Variants in LDLRAD4 observed in about 807,000 individuals in gnomAD.
The protein encoded by LDLRAD4 is low density lipoprotein receptor class A domain containing 4.
Under a neutral mutation model 17.0 loss-of-function variants are expected in LDLRAD4, and 5 were observed. That is an observed-to-expected ratio of 0.29 (90% CI 0.15 to 0.62). LDLRAD4 has a LOEUF of 0.62. Ranked by LOEUF, LDLRAD4 falls within the 20% of genes least tolerant of loss-of-function variation. The pLI, the probability that LDLRAD4 is intolerant of heterozygous loss-of-function variation, is 0.84. For synonymous variants in LDLRAD4, 168 were observed against 171.8 expected, an observed-to-expected ratio of 0.98 and a Z score of 0.17; for missense variants, 340 against 424.7, an observed-to-expected ratio of 0.80 and a Z score of 1.75.
At chr18:13,380,023 C>T (rs376734318) in intron 1 of LDLRAD4, among the ~76,000 whole-genome samples, 86 of 152,240 alleles carry the variant, frequency 5.6e-4, no homozygotes, top group African/African-American at 1.8e-3. Flanking sequence ...CGAGCCCTCA[C>T]GCCAGGCCAC....
At chr18:13,285,664 C>T (rs1443596121) in intron 1 of LDLRAD4, among the ~76,000 whole-genome samples, 1 of 152,118 alleles carries the variant, frequency 6.6e-6, no homozygotes, top group African/African-American at 2.4e-5. Flanking sequence ...AACAGTTTCC[C>T]TCTTTTTGTC....
chr18:13,431,887 A>G (rs2090358675), intron 2 of LDLRAD4, among the ~76,000 whole-genome samples: 1 of 152,212 alleles, frequency 6.6e-6, no homozygotes, highest in Non-Finnish European at 1.5e-5. Context: ...CCTTCAAAGT[A>G]AATTCCACTT....
chr18:13,591,063 T>G (rs927856998), intron 3 of LDLRAD4, among the ~76,000 whole-genome samples: 2 of 152,208 alleles, frequency 1.3e-5, no homozygotes, highest in Non-Finnish European at 2.9e-5. Flanking sequence ...CAGGGAGTTT[T>G]GAGGCTGTTT....
chr18:13,529,986 A>G (rs1238471213), intron 3 of LDLRAD4, among the ~76,000 whole-genome samples: 3 of 152,202 alleles, frequency 2.0e-5, no homozygotes, highest in African/African-American at 4.8e-5. Flanking sequence ...AATATCTCAG[A>G]TAATTTGAGG....
intron 1 of LDLRAD4, chr18:13,234,950 T>A (rs2042262241): frequency 6.6e-6 from 1 of 152,136 alleles, no homozygotes; most frequent in Non-Finnish European, 1.5e-5. Context: ...TATCAAGCTG[T>A]AAAAAAATCA....
At chr18:13,254,226 C>T (rs1197621710) in intron 1 of LDLRAD4, among the ~76,000 whole-genome samples, 3 of 152,158 alleles carry the variant, frequency 2.0e-5, no homozygotes, top group African/African-American at 7.2e-5. Flanking sequence ...AGCCCGAGGC[C>T]CAGGGGAGGC....
intron 3 of LDLRAD4, among the ~76,000 whole-genome samples, chr18:13,567,695 G>A (rs188024162): frequency 3.0e-4 from 45 of 151,822 alleles, no homozygotes; most frequent in African/African-American, 9.9e-4. Context: ...TAATTGTGAC[G>A]TTGGTAAAAT....
intron 4 of LDLRAD4, among the ~76,000 whole-genome samples, chr18:13,637,061 G>C (rs1177130710): frequency 6.6e-6 from 1 of 152,082 alleles, no homozygotes; most frequent in Non-Finnish European, 1.5e-5. Context: ...GCCTTGCAAA[G>C]TTCTGGGATT....
At chr18:13,405,466 A>G (rs1186350338) in intron 2 of LDLRAD4, among the ~76,000 whole-genome samples, 1 of 152,056 alleles carries the variant, frequency 6.6e-6, no homozygotes, top group Non-Finnish European at 1.5e-5. Flanking sequence ...TCTGTCATCC[A>G]TTTTGGAGAG....
chr18:13,526,732 T>C (rs1208731383), intron 3 of LDLRAD4: 2 of 152,218 alleles, frequency 1.3e-5, no homozygotes, highest in East Asian at 3.8e-4. Flanking sequence ...TCCTCGAAGG[T>C]GTTTTTCCAT....
chr18:13,221,914 A>G (rs1487492661), intron 1 of LDLRAD4, among the ~76,000 whole-genome samples: 4 of 152,200 alleles, frequency 2.6e-5, no homozygotes, highest in African/African-American at 9.7e-5. Flanking sequence ...ATAATGCTGC[A>G]CTGTGCCAAA....
At position 13,610,265 on chromosome 18, in the gene LDLRAD4, A is replaced by ATTTTT. The variant is rs1157718015; in HGVS notation, c.182-10816_182-10812dup. 9.8e-4 allele frequency among the ~76,000 whole-genome samples: 61 copies of ATTTTT among 62,512 alleles called. 18 individuals carry two copies. Among genetic ancestry groups the ATTTTT allele is most frequent in the Non-Finnish European group, 1.3e-3 (39 of 29,692 alleles). 41.0% of individuals were successfully genotyped at this position (62,512 alleles called of 152,430 possible). On this transcript the variant is annotated intron_variant, in intron 3 of 5. Coordinates refer to ENST00000359446, the Ensembl canonical transcript of LDLRAD4. ...TTCCATGAAGTTCACCAAAGCCCTA[A>ATTTTT]TTTTTTTTTTTTTTTTTTTTTTTTT...
upstream of LDLRAD4, among the ~76,000 whole-genome samples, chr18:13,274,622 G>T (rs2044751181): frequency 2.0e-5 from 3 of 152,216 alleles, no homozygotes; most frequent in Non-Finnish European, 4.4e-5. Flanking sequence ...ATATCATACA[G>T]TCCTGAATGT....
chr18:13,376,395 G>A (rs2084914457), intron 1 of LDLRAD4, among the ~76,000 whole-genome samples: 1 of 152,234 alleles, frequency 6.6e-6, no homozygotes, highest in East Asian at 1.9e-4. Flanking sequence ...CTCAGAGCCT[G>A]TGCATCCCCA....
At chr18:13,557,472 C>T (rs1348113012) in intron 3 of LDLRAD4, among the ~76,000 whole-genome samples, 2 of 152,182 alleles carry the variant, frequency 1.3e-5, no homozygotes, top group East Asian at 3.8e-4. Flanking sequence ...GCGGTCTTGG[C>T]TCACTGCAAG....
chr18:13,431,309 T>G (rs1469224858), intron 2 of LDLRAD4, among the ~76,000 whole-genome samples: 4 of 152,218 alleles, frequency 2.6e-5, no homozygotes, highest in Admixed American at 2.6e-4. Flanking sequence ...TTACCTACTT[T>G]CGGTACTGTT....
At chr18:13,429,258 T>G (rs141848279) in intron 2 of LDLRAD4, among the ~76,000 whole-genome samples, 24 of 152,316 alleles carry the variant, frequency 1.6e-4, no homozygotes, top group African/African-American at 5.8e-4. Context: ...GGTGCAGTGA[T>G]GGGCCCCAAA....
At chr18:13,336,841 A>G (rs1003473559) in intron 1 of LDLRAD4, among the ~76,000 whole-genome samples, 4 of 152,188 alleles carry the variant, frequency 2.6e-5, no homozygotes, top group African/African-American at 9.7e-5. Context: ...TAAGTTTTAA[A>G]CAATGACAAA....
intron 1 of LDLRAD4, among the ~76,000 whole-genome samples, chr18:13,234,691 A>C (rs2042249771): frequency 6.6e-6 from 1 of 152,194 alleles, no homozygotes; most frequent in Non-Finnish European, 1.5e-5. Context: ...AAGTATGAGC[A>C]GCAGTGAGAG....
Sources: gnomAD v4.1 joint callset for allele counts (sites outside exome capture counted in the v4.1 genomes callset) on GRCh38, gnomAD v4.1.1 for gene constraint, MANE v1.5 for transcripts, NCBI Gene and HGNC (gene_info 2026-07-23, HGNC 2026-07-21) for gene names.